MASP2: variants seen among roughly 807,000 people sequenced by gnomAD.
MASP2 encodes the protein MBL associated serine protease 2.
In MASP2, 49 loss-of-function variants were observed where a neutral mutation model predicts 57.1. That is an observed-to-expected ratio of 0.86 (90% CI 0.68 to 1.09). The LOEUF (loss-of-function observed/expected upper bound fraction) is 1.09, where lower values mean the gene tolerates loss of function less well. Ranked by LOEUF, MASP2 falls within the 50% of genes least tolerant of loss-of-function variation. The probability of loss-of-function intolerance (pLI) is 0.00; values close to 1 mark genes in which losing one functional copy is unlikely to be tolerated. For missense variants in MASP2, 900 were observed against 874.8 expected, an observed-to-expected ratio of 1.03 and a Z score of -0.36; for synonymous variants, 379 against 340.8, an observed-to-expected ratio of 1.11 and a Z score of -1.24.
At chr1:11,031,535 A>AAAAAAAAT (rs1465901267) in intron 8 of MASP2, among the ~76,000 whole-genome samples, 1 of 150,100 alleles carries the variant, frequency 6.7e-6, no homozygotes, top group Admixed American at 6.6e-5. Flanking sequence ...TCTTAAAAAA[A>AAAAAAAAT]AAAAAAAAAA....
rs765574358 is a variant in MASP2, at chr1:11,027,034, C to T, written c.1912G>A (p.Val638Met). Reference sequence around the variant, plus strand: ...CTCTCTGTTTCACTATCTAGAAACACCAGTGCCCCTCCGCTGTCACCTCTG... The same window carrying T: ...CTCTCTGTTTCACTATCTAGAAACATCAGTGCCCCTCCGCTGTCACCTCTG... ...SCRGDSGGAL[V>M]FLDSETERWF... Residue 638 changes from valine to methionine, a missense_variant, in exon 11 of 11, where the codon GTG (valine) becomes ATG (methionine). Physicochemically the swap from Val to Met is conservative, Grantham distance 21. Transcript: ENST00000400897. 1.3e-6 allele frequency: 2 copies of T among 1,596,978 alleles called. No homozygotes were observed. Among genetic ancestry groups the T allele is most frequent in the Non-Finnish European group, 8.5e-7 (1 of 1,171,908 alleles).
At chr1:11,044,348 C>A (rs1638558299) in intron 4 of MASP2, among the ~76,000 whole-genome samples, 1 of 152,162 alleles carries the variant, frequency 6.6e-6, no homozygotes, top group African/African-American at 2.4e-5. Flanking sequence ...CATACCACCA[C>A]CCCACCCCCA....
chr1:11,045,003 G>A (rs753654605), intron 4 of MASP2: 5 of 1,570,746 alleles, frequency 3.2e-6, no homozygotes, highest in African/African-American at 2.7e-5. Flanking sequence ...GGGAGAAACC[G>A]AGTCGGGGGA....
intron 8 of MASP2, among the ~76,000 whole-genome samples, chr1:11,031,585 A>T (rs547571393): frequency 6.6e-6 from 1 of 151,230 alleles, no homozygotes; most frequent in Non-Finnish European, 1.5e-5. Context: ...CACAGGTTCA[A>T]TGTAAAAGGT....
intron 4 of MASP2, among the ~76,000 whole-genome samples, chr1:11,044,629 G>A (rs1371348726): frequency 1.3e-5 from 2 of 152,162 alleles, no homozygotes; most frequent in East Asian, 1.9e-4. Flanking sequence ...GCCCCTCTCC[G>A]GGCCTCAGTG....
rs566765351 is a variant in MASP2, at chr1:11,043,469, G to C, written c.611C>G (p.Pro204Arg). 10 of 1,610,138 alleles carry C rather than the reference G, an allele frequency of 6.2e-6. No individual in the cohort carries two copies. In the South Asian group the frequency reaches 1.1e-4, roughly 18 times the overall value. Residue 204 changes from proline (P) to arginine (R), a missense_variant, in exon 5 of 11, where the codon CCG becomes CGG. By Grantham distance (103) the Pro-to-Arg change is moderately radical. Transcript: ENST00000400897. ...GELSSPEYPR[P>R]YPKLSSCTYS... The stretch of plus-strand genomic sequence containing the variant: ...AGTGCAACTGGAGAGTTTGGGATAC[G>C]GCCGTGGGTATTCAGGGCTGCTGAG...
chr1:11,031,158 G>A (rs903054832), intron 8 of MASP2, among the ~76,000 whole-genome samples: 5 of 152,176 alleles, frequency 3.3e-5, no homozygotes, highest in Admixed American at 2.0e-4. Flanking sequence ...GGAGGAAGAG[G>A]TGTGCTGCCT....
At chr1:11,028,697 GTTTTTTTTCTTTTTTT>G (rs1439141400) in intron 10 of MASP2, among the ~76,000 whole-genome samples, 14 of 36,178 alleles carry the variant, frequency 3.9e-4, no homozygotes, top group African/African-American at 1.8e-3. Flanking sequence ...ATCTTTCTGG[GTTTTTTTTCTTTTTTT>G]TTTTTTTTTT....
chr1:11,027,770 TGG>T, intron 10 of MASP2, 122 bp from the exon 11 acceptor site: 1 of 1,025,154 alleles, frequency 9.8e-7, no homozygotes, highest in Non-Finnish European at 1.4e-6. Context: ...CATGAATTGG[TGG>T]GTGACTACCT....
chr1:11,034,334 A>G (rs191518780), intron 8 of MASP2, among the ~76,000 whole-genome samples: 164 of 151,868 alleles, frequency 1.1e-3, no homozygotes, highest in Non-Finnish European at 1.7e-3. Flanking sequence ...AACCTCTAAG[A>G]ATGCACTGAG....
At chr1:11,044,798 T>C in intron 4 of MASP2, 1 of 1,269,492 alleles carries the variant, frequency 7.9e-7, no homozygotes, top group Non-Finnish European at 1.1e-6. Flanking sequence ...TGGCAGCAGG[T>C]GGGGTGGGGC....
Position 11,027,663 on chromosome 1 carries a change from A to G in MASP2, c.1298-15T>C. On this transcript the variant is annotated splice_polypyrimidine_tract_variant and intron_variant, in intron 10 of 10. Transcript: ENST00000400897. ...TAGTCCACAAACTGGAGAAAGAAGC[A>G]GATAGGTAGAGAGCCTTTGTAAAAA... 1 of 1,578,738 alleles carries G rather than the reference A, an allele frequency of 6.3e-7. No homozygotes were observed.
At position 11,026,854 on chromosome 1, in the gene MASP2, A is replaced by G. The variant is rs754240585; in HGVS notation, c.*31T>C. On this transcript the variant is annotated 3_prime_UTR_variant, in exon 11 of 11. Transcript: ENST00000400897. ...CAAGGTCTTCACAGGCATTTCTAAA[A>G]ATGAAGAATCCTTGACTGCAGACAC... The G allele has an allele frequency of 6.9e-7, 1 of 1,453,946 alleles. No homozygotes were observed. Among genetic ancestry groups the G allele is most frequent in the African/African-American group, 1.4e-5 (1 of 69,040 alleles). 90.1% of individuals were successfully genotyped at this position (1,453,946 alleles called of 1,614,324 possible).
At chr1:11,037,627 A>G in intron 7 of MASP2, 66 bp downstream of exon 7, 1 of 961,004 alleles carries the variant, frequency 1.0e-6, no homozygotes, top group Non-Finnish European at 1.6e-6. Context: ...ACATATCTGC[A>G]GATAGAAATA....
intron 4 of MASP2, chr1:11,044,930 C>T (rs1297261930): frequency 4.4e-6 from 7 of 1,607,684 alleles, no homozygotes; most frequent in African/African-American, 4.0e-5. Flanking sequence ...GGCCGGAGCT[C>T]CAGGGGAGGC....
chr1:11,030,578 A>C, intron 9 of MASP2, 170 bp downstream of exon 9: 1 of 710,154 alleles, frequency 1.4e-6, no homozygotes. Flanking sequence ...GATTTTTGCA[A>C]ATTGACATTA....
At chr1:11,027,940 T>G (rs1386382191) in intron 10 of MASP2, among the ~76,000 whole-genome samples, 3 of 152,112 alleles carry the variant, frequency 2.0e-5, no homozygotes, top group Non-Finnish European at 2.9e-5. Context: ...ATTGGGAAAA[T>G]TGGCCGGGTG....
In MASP2 at chr1:11,034,820, G is replaced by T. The variant is rs369543396; in HGVS notation, c.1087+8C>A. 2.5e-6 allele frequency: 4 copies of T among 1,607,276 alleles called. No homozygotes were observed. The highest frequency in any genetic ancestry group is 3.4e-6 in the Non-Finnish European group (4 of 1,176,534). ...GTTATGGGGCCTGTAGTCACCACAC[G>T]ACCGTACTGCTGCACGCGGGCATTG... On this transcript the variant is annotated splice_region_variant and intron_variant, in intron 8 of 10. Transcript: ENST00000400897.
Position 11,027,549 on chromosome 1 carries a change from G to T in MASP2, c.1397C>A (p.Thr466Asn). Residue 466 changes from threonine to asparagine, a missense_variant, in exon 11 of 11, where the codon ACC (threonine) becomes AAC (asparagine). Thr to Asn is a moderately conservative substitution (Grantham distance 65, BLOSUM62 0). Coordinates refer to ENST00000400897, the MANE Select transcript of MASP2 (RefSeq NM_006610.4). ...ATATAAAAGTGCACCTGCTGCTGTG[G>T]TTCCACCTAATATCAGGACTTGCCA... ...FPWQVLILGG[T>N]TAAGALLYDN... 6.2e-7 allele frequency: 1 copy of T among 1,614,168 alleles called. No individual in the cohort carries two copies. Among genetic ancestry groups the T allele is most frequent in the Admixed American group, 1.7e-5 (1 of 60,014 alleles).
Sources: allele counts gnomAD v4.1 joint callset (sites outside exome capture counted in the v4.1 genomes callset), GRCh38; gene constraint gnomAD v4.1.1; transcripts MANE v1.5; gene names NCBI Gene and HGNC (gene_info 2026-07-23, HGNC 2026-07-21).